The following CCDC116 variants were observed in gnomAD, a reference collection of about 807,000 sequenced individuals.
CCDC116 encodes coiled-coil domain containing 116.
In CCDC116, 24 loss-of-function variants were observed where a neutral mutation model predicts 29.4. The ratio of observed to expected loss-of-function variants is 0.82; its 90% CI spans 0.59 to 1.15. The LOEUF is 1.15. CCDC116 is among the 50% of genes most tolerant of loss of function. The pLI is 0.00. For synonymous variants in CCDC116, 298 were observed against 331.4 expected (o/e 0.90, Z 1.10); for missense variants, 791 against 804.0 (o/e 0.98, Z 0.20).
rs1568997485 is a variant in CCDC116, at chr22:21,634,354, G to A, written c.405G>A (p.Arg135=). Residue 135 remains arginine (R), a synonymous_variant, in exon 3 of 5, where the codon CGG becomes CGA. Transcript: ENST00000292779. The part of the protein sequence containing the change: ...HARPSLSTVH[R]HRVRPTLCTG... ...GGCCCAGCCTCAGCACCGTACACCGGCACCGTGTACGGCCGACCCTCTGCA... is the reference window on the plus strand; with the variant it reads ...GGCCCAGCCTCAGCACCGTACACCGACACCGTGTACGGCCGACCCTCTGCA... The A allele has an allele frequency of 6.2e-7, 1 of 1,612,674 alleles. No homozygotes were observed. The highest frequency in any genetic ancestry group is 8.5e-7 in the Non-Finnish European group (1 of 1,179,414).
Position 21,633,205 on chromosome 22 carries a change from G to C in CCDC116, c.24G>C (p.Ser8=). 6.4e-7 allele frequency: 1 copy of C among 1,550,752 alleles called. No homozygotes were observed. Residue 8 remains serine, a synonymous_variant, in exon 2 of 5, where the codon TCG becomes TCC. Transcript: ENST00000292779. MARCRHH[S]GYLADDEASH... ...ACATGGCCAGGTGCCGCCACCACTC[G>C]GGTTACCTGGCCGATGACGAGGCCA...
rs112735203 is a variant in CCDC116, at chr22:21,636,146, C to T, written c.1204-286C>T. The stretch of plus-strand genomic sequence containing the variant: ...GTTGTCAAGGCTCAGATTAGCCTTA[C>T]CCTGTGACAGGTCCCTGCCCTTGCC... On this transcript the variant is annotated intron_variant, in intron 4 of 4. Transcript: ENST00000292779. Among the ~76,000 whole-genome samples, 327 of 152,334 alleles carry T rather than the reference C, an allele frequency of 2.1e-3. 1 individual carries two copies. The highest frequency in any genetic ancestry group is 7.5e-3 in the African/African-American group (312 of 41,578).
chr22:21,633,181 C>T lies in CCDC116; in HGVS notation c.-1C>T. 6.4e-7 allele frequency: 1 copy of T among 1,550,700 alleles called. No homozygotes were observed. Among genetic ancestry groups the T allele is most frequent in the Non-Finnish European group, 8.7e-7 (1 of 1,146,866 alleles). ...GGCCCGGTCACCTGCCAGGTGACCA[C>T]ATGGCCAGGTGCCGCCACCACTCGG... On this transcript the variant is annotated 5_prime_UTR_variant, in exon 2 of 5. Transcript: ENST00000292779.
chr22:21,636,708 C>T lies in CCDC116; in HGVS notation c.1480C>T (p.His494Tyr), dbSNP rs540645961. Residue 494 changes from histidine (H) to tyrosine (Y), a missense_variant, in exon 5 of 5, where the codon CAC becomes TAC. His to Tyr is a moderately conservative substitution (Grantham distance 83). Coordinates refer to ENST00000292779, the MANE Select transcript of CCDC116 (RefSeq NM_152612.3). ...GSRIHLSSET[H>Y]RSCLLRKLEE... ...CCGCATCCACCTGTCCTCGGAGACCCACCGGAGCTGCCTGCTGCGTAAACT... is the reference window on the plus strand; with the variant it reads ...CCGCATCCACCTGTCCTCGGAGACCTACCGGAGCTGCCTGCTGCGTAAACT... 1 of 1,613,628 alleles carries T rather than the reference C, an allele frequency of 6.2e-7. No individual in the cohort carries two copies. Among genetic ancestry groups the T allele is most frequent in the Admixed American group, 1.7e-5 (1 of 60,016 alleles).
chr22:21,635,689 C>G (rs1930772761), intron 4 of CCDC116: 1 of 660,420 alleles, frequency 1.5e-6, no homozygotes, highest in East Asian at 2.7e-5. Flanking sequence ...GTCTCTTGCC[C>G]TGCACTGTGG....
At chr22:21,636,406 C>CCT (rs1930800345) in intron 4 of CCDC116, 26 bp from the exon 5 acceptor site, 9 of 1,597,356 alleles carry the variant, frequency 5.6e-6, no homozygotes, top group Non-Finnish European at 6.8e-6. Context: ...GACATGTGTC[C>CCT]CTTTCCCTCC....
intron 4 of CCDC116, 93 bp downstream of exon 4, chr22:21,635,359 T>A (rs760805334): frequency 1.8e-6 from 2 of 1,104,932 alleles, no homozygotes; most frequent in African/African-American, 3.1e-5. Flanking sequence ...AAAACCCACC[T>A]GTTTCCCTGA....
Position 21,634,069 on chromosome 22 carries a change from C to T in CCDC116, c.120C>T (p.Cys40=). The T allele has an allele frequency of 6.2e-7, 1 of 1,613,434 alleles. No individual in the cohort carries two copies. The highest frequency in any genetic ancestry group is 8.5e-7 in the Non-Finnish European group (1 of 1,179,682). The part of the protein sequence containing the change: ...KPLVPEMRPA[C]KPGRVPHPPS... The stretch of plus-strand genomic sequence containing the variant: ...TGGTCCCAGAAATGCGGCCAGCCTG[C>T]AAGCCGGGCCGTGTGCCACACCCAC... Residue 40 remains cysteine, a synonymous_variant, in exon 3 of 5, where the codon TGC becomes TGT. Coordinates refer to ENST00000292779, the MANE Select transcript of CCDC116 (RefSeq NM_152612.3).
In CCDC116 at chr22:21,635,102, C is replaced by G; in HGVS notation, c.1039C>G (p.Pro347Ala). ...CAGCTTGGAGCCCACCTCAGATCTGCCGCCTCTGGGCTCTGAGCCAGCTAA... is the reference window on the plus strand; with the variant it reads ...CAGCTTGGAGCCCACCTCAGATCTGGCGCCTCTGGGCTCTGAGCCAGCTAA... ...PTSLEPTSDLPPLGSEPAKPT... is the reference protein window; with the variant it reads ...PTSLEPTSDLAPLGSEPAKPT... Residue 347 changes from proline (P) to alanine (A), a missense_variant, in exon 4 of 5, where the codon CCG becomes GCG. Transcript: ENST00000292779. 6.2e-7 allele frequency: 1 copy of G among 1,607,448 alleles called. No homozygotes were observed. The highest frequency in any genetic ancestry group is 1.1e-5 in the South Asian group (1 of 91,080).
Position 21,637,241 on chromosome 22 carries a change from G to GCTGA in CCDC116, c.*171_*172insCTGA. 1.1e-6 allele frequency: 1 copy of GCTGA among 935,968 alleles called. No homozygotes were observed. The highest frequency in any genetic ancestry group is 1.5e-6 in the Non-Finnish European group (1 of 657,180). 58.0% of individuals were successfully genotyped at this position (935,968 alleles called of 1,614,324 possible). ...GAGTCACCACAGGCTGAATGCCCAC[G>GCTGA]AGGAGCTCTGCTGAGACTCTCAAGG... On this transcript the variant is annotated 3_prime_UTR_variant, in exon 5 of 5. Transcript: ENST00000292779.
At position 21,636,847 on chromosome 22, in the gene CCDC116, C is replaced by T. The variant is rs754256521; in HGVS notation, c.1619C>T (p.Thr540Ile). 6 of 1,613,352 alleles carry T rather than the reference C, an allele frequency of 3.7e-6. No individual in the cohort carries two copies. The Admixed American group carries it at 5.0e-5, about 13-fold the overall frequency. The change falls in exon 5 of 5, where the codon ACA becomes ATA. Residue 540 changes from threonine to isoleucine, a missense_variant. By Grantham distance (89) the Thr-to-Ile change is moderately conservative. Transcript: ENST00000292779. ...PATHTAQDQA[T>I]EPCRSLYTNL... ...ACCCACACTGCCCAGGACCAGGCCA[C>T]AGAGCCCTGCCGCTCCCTCTACACC...
At position 21,636,843 on chromosome 22, in the gene CCDC116, G is replaced by T; in HGVS notation, c.1615G>T (p.Ala539Ser). The T allele has an allele frequency of 6.2e-7, 1 of 1,613,338 alleles. No homozygotes were observed. Reference sequence around the variant, plus strand: ...AGCCACCCACACTGCCCAGGACCAGGCCACAGAGCCCTGCCGCTCCCTCTA... The same window carrying T: ...AGCCACCCACACTGCCCAGGACCAGTCCACAGAGCCCTGCCGCTCCCTCTA... ...EPATHTAQDQ[A>S]TEPCRSLYTN... The change falls in exon 5 of 5, where the codon GCC becomes TCC. Residue 539 changes from alanine (A) to serine (S), a missense_variant. Coordinates refer to ENST00000292779, the MANE Select transcript of CCDC116 (RefSeq NM_152612.3).
At chr22:21,633,078 G>C in intron 1 of CCDC116, 42 bp from the exon 2 acceptor site, 1 of 886,018 alleles carries the variant, frequency 1.1e-6, no homozygotes, top group Non-Finnish European at 1.9e-6. Flanking sequence ...CAGATGCGTG[G>C]ACCTATTGGA....
At position 21,635,558 on chromosome 22, in the gene CCDC116, G is replaced by A. The variant is rs536350970; in HGVS notation, c.1203+292G>A. The A allele has an allele frequency of 2.6e-4, 183 of 702,980 alleles. 1 individual carries two copies. The highest frequency in any genetic ancestry group is 1.8e-3 in the South Asian group (123 of 67,600). 43.5% of individuals were successfully genotyped at this position (702,980 alleles called of 1,614,324 possible). A position where few individuals can be genotyped will look rare whatever the true frequency, so the allele number is the denominator to read the frequency against. On this transcript the variant is annotated intron_variant, in intron 4 of 4. Coordinates refer to ENST00000292779, the MANE Select transcript of CCDC116 (RefSeq NM_152612.3). ...CTCTCCAGTTGCCTCTTCATCTCCC[G>A]CCTCACTGTGTCCAGAGGTGACCTC...
rs1186130274 is a variant in CCDC116 at position 21,636,572 on chromosome 22, C to A, written c.1344C>A (p.Ile448=). Residue 448 remains isoleucine, a synonymous_variant, in exon 5 of 5, where the codon ATC becomes ATA. Coordinates refer to ENST00000292779, the MANE Select transcript of CCDC116 (RefSeq NM_152612.3). ...CCCAGCAGGCAGCCTCCTTGGTCAT[C>A]CGCAAGTACGAGTTCGAAAAGGACC... The part of the protein sequence containing the change: ...FLTQQAASLV[I]RKYEFEKDLS... 6.2e-7 allele frequency: 1 copy of A among 1,614,158 alleles called. No individual in the cohort carries two copies. The highest frequency in any genetic ancestry group is 8.5e-7 in the Non-Finnish European group (1 of 1,180,026).
In CCDC116 at chr22:21,633,135, T is replaced by A; in HGVS notation, c.-47T>A. On this transcript the variant is annotated 5_prime_UTR_variant, in exon 2 of 5. It removes the in-frame stop codon of an upstream open reading frame in the 5' UTR. Coordinates refer to ENST00000292779, the MANE Select transcript of CCDC116 (RefSeq NM_152612.3). ...CCCCACGCAGAGAGGAATGCGCAGCTGAAGAGAGAGGTGGGCAGCAGGCCC... is the reference window on the plus strand; with the variant it reads ...CCCCACGCAGAGAGGAATGCGCAGCAGAAGAGAGAGGTGGGCAGCAGGCCC... The A allele has an allele frequency of 6.8e-7, 1 of 1,473,910 alleles. No individual in the cohort carries two copies. Among genetic ancestry groups the A allele is most frequent in the Non-Finnish European group, 9.3e-7 (1 of 1,076,982 alleles). 91.3% of individuals were successfully genotyped at this position (1,473,910 alleles called of 1,614,324 possible). A position where few individuals can be genotyped will look rare whatever the true frequency, so the allele number is the denominator to read the frequency against.
Position 21,634,431 on chromosome 22 carries a change from A to T in CCDC116, c.482A>T (p.His161Leu). The T allele has an allele frequency of 2.5e-6, 4 of 1,614,208 alleles. No individual in the cohort carries two copies. Among genetic ancestry groups the T allele is most frequent in the Non-Finnish European group, 3.4e-6 (4 of 1,180,032 alleles). ...PSSSSSMSNC[H>L]SSLMAGCLGS... is the part of the protein sequence containing the mutation. ...AGCTCCAGCTCCATGTCCAACTGCC[A>T]TAGCAGCCTCATGGCCGGCTGTCTG... The change falls in exon 3 of 5, where the codon CAT (histidine) becomes CTT (leucine). Residue 161 changes from histidine (H) to leucine (L), a missense_variant. Transcript: ENST00000292779.
rs1251709782 is a variant in CCDC116 at position 21,635,939 on chromosome 22, G to A, written c.1204-493G>A. On this transcript the variant is annotated intron_variant, in intron 4 of 4. Transcript: ENST00000292779. ...TAGCTCCCTTGAATCCAGCTGCCTC[G>A]AGCAGGACTCTCCAGTCCCTGGACT... 4.1e-5 allele frequency: 16 copies of A among 393,980 alleles called. No homozygotes were observed. The South Asian group carries it at 4.1e-4, about 10-fold the overall frequency. 24.4% of individuals were successfully genotyped at this position (393,980 alleles called of 1,614,324 possible).
Position 21,634,304 on chromosome 22 carries a change from A to C in CCDC116, c.355A>C (p.Ser119Arg). The change falls in exon 3 of 5, where the codon AGT becomes CGT. Residue 119 changes from serine to arginine, a missense_variant. Coordinates refer to ENST00000292779, the MANE Select transcript of CCDC116 (RefSeq NM_152612.3). The part of the protein sequence containing the change: ...VEVQDPVEVP[S>R]GGRRAHARPS... ...GGTGCAGGACCCAGTGGAGGTGCCA[A>C]GTGGTGGACGGCGGGCACATGCCCG... 1 of 1,613,280 alleles carries C rather than the reference A, an allele frequency of 6.2e-7. No homozygotes were observed. The highest frequency in any genetic ancestry group is 1.1e-5 in the South Asian group (1 of 91,064).
Sources: allele counts gnomAD v4.1 joint callset (sites outside exome capture counted in the v4.1 genomes callset), GRCh38; gene constraint gnomAD v4.1.1; transcripts MANE v1.5; gene names NCBI Gene and HGNC (gene_info 2026-07-23, HGNC 2026-07-21).